Variants in KYAT1 observed in about 807,000 individuals in gnomAD.
KYAT1 encodes kynurenine--oxoglutarate transaminase 1.
A neutral mutation model predicts 52.4 loss-of-function variants in KYAT1; 47 were observed. The ratio of observed to expected loss-of-function variants is 0.90; its 90% CI spans 0.71 to 1.14. The LOEUF (loss-of-function observed/expected upper bound fraction) is 1.14, where lower values mean the gene tolerates loss of function less well. Among genes scored for constraint, KYAT1 ranks in the 50% most tolerant of loss-of-function variants. KYAT1 has a pLI of 0.00. For missense variants in KYAT1, 480 were observed against 557.9 expected (o/e 0.86, Z 1.41); for synonymous variants, 212 against 209.6 (o/e 1.01, Z -0.10).
intron 1 of KYAT1, among the ~76,000 whole-genome samples, chr9:128,869,615 G>A (rs1836941285): frequency 6.6e-6 from 1 of 151,994 alleles, no homozygotes; most frequent in Non-Finnish European, 1.5e-5. Context: ...AATTTTTATT[G>A]CAGAGATGGG....
rs1312735353 is a variant in KYAT1, at chr9:128,834,875, G to A, written c.1122+448C>T. On this transcript the variant is annotated intron_variant, in intron 11 of 12. Transcript: ENST00000302586. Reference sequence around the variant, plus strand: ...AAAAAGGCCAGGAGCAGTGGCTCACGCCTGTAATCCCAGCACTTTGGGAGG... The same window carrying A: ...AAAAAGGCCAGGAGCAGTGGCTCACACCTGTAATCCCAGCACTTTGGGAGG... Among the ~76,000 whole-genome samples, 5 of 136,792 alleles carry A rather than the reference G, an allele frequency of 3.7e-5. No individual in the cohort carries two copies. In the South Asian group the frequency reaches 7.2e-4, roughly 20 times the overall value. 89.7% of individuals were successfully genotyped at this position (136,792 alleles called of 152,430 possible).
At chr9:128,866,205 T>C (rs545447746) in intron 1 of KYAT1, among the ~76,000 whole-genome samples, 4 of 152,316 alleles carry the variant, frequency 2.6e-5, no homozygotes, top group Admixed American at 2.6e-4. Context: ...CATTTTAATA[T>C]AATATGAGCC....
intron 1 of KYAT1, among the ~76,000 whole-genome samples, chr9:128,849,224 C>T (rs1324656107): frequency 6.6e-6 from 1 of 150,446 alleles, no homozygotes; most frequent in Non-Finnish European, 1.5e-5. Context: ...CCAGCCTGGT[C>T]AACATGGTGA....
intron 1 of KYAT1, among the ~76,000 whole-genome samples, chr9:128,881,557 C>G (rs7020013): frequency 0.084 from 12,770 of 152,004 alleles, 827 homozygotes; most frequent in African/African-American, 0.18. Context: ...GAGGACCCAG[C>G]GGGATTTATG....
At chr9:128,837,527 T>C (rs1831334852) in intron 6 of KYAT1, among the ~76,000 whole-genome samples, 158 bp downstream of exon 6, 1 of 152,216 alleles carries the variant, frequency 6.6e-6, no homozygotes, top group African/African-American at 2.4e-5. Flanking sequence ...TTCTTGCCCC[T>C]GTCCTGGGAC....
intron 5 of KYAT1, 89 bp downstream of exon 5, chr9:128,837,962 C>T (rs756073173): frequency 6.2e-5 from 94 of 1,520,988 alleles, no homozygotes; most frequent in Non-Finnish European, 8.5e-5. Context: ...GCTTCCTTCA[C>T]TTCTTTCCTC....
In KYAT1 at chr9:128,842,784, A is replaced by T. The variant is rs1259153403; in HGVS notation, c.71T>A (p.Leu24Gln). 6.2e-7 allele frequency: 1 copy of T among 1,613,848 alleles called. No individual in the cohort carries two copies. Among genetic ancestry groups the T allele is most frequent in the Non-Finnish European group, 8.5e-7 (1 of 1,179,856 alleles). Reference protein sequence around the residue: ...DYNPWVEFVKLASEHDVVNLG... With the variant: ...DYNPWVEFVKQASEHDVVNLG... The stretch of plus-strand genomic sequence containing the variant: ...GTTCACGACGTCATGCTCACTGGCC[A>T]GTTTCACAAACTCCACCCTGGGTAA... Residue 24 changes from leucine (L) to glutamine (Q), a missense_variant, in exon 3 of 13, where the codon CTG becomes CAG. Physicochemically the swap from Leu to Gln is moderately radical, Grantham distance 113 (BLOSUM62 -2). Coordinates refer to ENST00000302586, the MANE Select transcript of KYAT1 (RefSeq NM_004059.5).
intron 7 of KYAT1, among the ~76,000 whole-genome samples, chr9:128,836,595 G>A (rs1048812939): frequency 5.3e-5 from 8 of 152,086 alleles, no homozygotes; most frequent in Admixed American, 2.6e-4. Flanking sequence ...CACCATGCTC[G>A]GCATAGGATT....
intron 1 of KYAT1, among the ~76,000 whole-genome samples, chr9:128,872,077 G>A (rs925331393): frequency 2.0e-5 from 3 of 146,776 alleles, no homozygotes; most frequent in Non-Finnish European, 4.5e-5. Flanking sequence ...GCAGTGAGCT[G>A]AGATCGTGCC....
At chr9:128,861,312 G>A (rs566548323) in intron 1 of KYAT1, among the ~76,000 whole-genome samples, 1 of 152,234 alleles carries the variant, frequency 6.6e-6, no homozygotes, top group Admixed American at 6.5e-5. Context: ...TGCTGTGCTG[G>A]CGATAATGAG....
At position 128,838,315 on chromosome 9, in the gene KYAT1, C is replaced by T. The variant is rs1564453115; in HGVS notation, c.254G>A (p.Gly85Asp). ...ILASFFGELL[G>D]QEIDPLRNVL... Reference sequence around the variant, plus strand: ...ATTCCTGAGCGGGTCTATCTCCTGACCCAGCAGCTCCCCAAAGAAACTTGC... The same window carrying T: ...ATTCCTGAGCGGGTCTATCTCCTGATCCAGCAGCTCCCCAAAGAAACTTGC... Residue 85 changes from glycine to aspartate, a missense_variant, in exon 4 of 13, where the codon GGT becomes GAT. By Grantham distance (94) the Gly-to-Asp change is moderately conservative. Transcript: ENST00000302586. 1.9e-6 allele frequency: 3 copies of T among 1,614,176 alleles called. No homozygotes were observed. Among genetic ancestry groups the T allele is most frequent in the Admixed American group, 1.7e-5 (1 of 60,006 alleles).
chr9:128,839,254 G>A (rs1293943239), intron 3 of KYAT1, among the ~76,000 whole-genome samples: 3 of 152,092 alleles, frequency 2.0e-5, no homozygotes, highest in Non-Finnish European at 2.9e-5. Flanking sequence ...GTGAGCCACC[G>A]TGCCTGGCCT....
At chr9:128,837,193 C>T (rs1301482673) in intron 6 of KYAT1, among the ~76,000 whole-genome samples, 2 of 152,140 alleles carry the variant, frequency 1.3e-5, no homozygotes, top group Non-Finnish European at 2.9e-5. Context: ...ACTCGGGAGG[C>T]TGAGGCAGGA....
At chr9:128,844,033 G>C (rs1832678989) in intron 2 of KYAT1, among the ~76,000 whole-genome samples, 1 of 152,196 alleles carries the variant, frequency 6.6e-6, no homozygotes, top group African/African-American at 2.4e-5. Flanking sequence ...TGATGCTCTT[G>C]ACCCTACTCT....
chr9:128,843,470 C>T (rs1832570431), intron 2 of KYAT1, among the ~76,000 whole-genome samples: 1 of 151,962 alleles, frequency 6.6e-6, no homozygotes. Context: ...CCTCCGCCTC[C>T]CGAGGTCAAG....
At chr9:128,874,344 G>A (rs1418345221) in intron 1 of KYAT1, among the ~76,000 whole-genome samples, 1 of 149,712 alleles carries the variant, frequency 6.7e-6, no homozygotes, top group Non-Finnish European at 1.5e-5. Flanking sequence ...TTTCTTCTAT[G>A]TTTGTTGCCA....
chr9:128,849,951 C>G (rs1833723836), intron 1 of KYAT1, among the ~76,000 whole-genome samples: 1 of 132,256 alleles, frequency 7.6e-6, no homozygotes, highest in Non-Finnish European at 1.5e-5. Context: ...GTGGTGCCTT[C>G]TCAGCTCACT....
chr9:128,836,304 T>C (rs1379155486), intron 7 of KYAT1, among the ~76,000 whole-genome samples: 1 of 34,278 alleles, frequency 2.9e-5, no homozygotes, highest in Non-Finnish European at 1.7e-4. Context: ...CTTTCTTTGT[T>C]TTTTTTTTTT....
Position 128,833,364 on chromosome 9 carries a change from G to A in KYAT1, c.*220C>T. On this transcript the variant is annotated 3_prime_UTR_variant, in exon 13 of 13. Transcript: ENST00000302586. ...ACCCACCTATGGAGGGGCAGGGAGA[G>A]GCCCAGGTCAGGCCACCCTCACCTT... 1 of 611,130 alleles carries A rather than the reference G, an allele frequency of 1.6e-6. No homozygotes were observed. The highest frequency in any genetic ancestry group is 2.9e-6 in the Non-Finnish European group (1 of 344,948). 37.9% of individuals were successfully genotyped at this position (611,130 alleles called of 1,614,324 possible). A position where few individuals can be genotyped will look rare whatever the true frequency, so the allele number is the denominator to read the frequency against.
Sources: gnomAD v4.1 joint callset for allele counts (sites outside exome capture counted in the v4.1 genomes callset) on GRCh38, gnomAD v4.1.1 for gene constraint, MANE v1.5 for transcripts, NCBI Gene and HGNC (gene_info 2026-07-23, HGNC 2026-07-21) for gene names.